Variants in PLEKHG1 observed in about 807,000 individuals in gnomAD.
The protein encoded by PLEKHG1 is pleckstrin homology domain-containing family G member 1.
A neutral mutation model predicts 100.8 loss-of-function variants in PLEKHG1; 44 were observed. The observed-to-expected ratio is 0.44, with a 90% CI of 0.34 to 0.56. PLEKHG1 has a LOEUF of 0.56. Ranked by LOEUF, PLEKHG1 falls within the 20% of genes least tolerant of loss-of-function variation. The pLI is 0.01. For missense variants in PLEKHG1, 1,545 were observed against 1,720.9 expected, an observed-to-expected ratio of 0.90 and a Z score of 1.81; for synonymous variants, 640 against 662.5, an observed-to-expected ratio of 0.97 and a Z score of 0.52.
At chr6:150,661,604 A>G (rs961178317) in intron 3 of PLEKHG1, among the ~76,000 whole-genome samples, 4 of 152,208 alleles carry the variant, frequency 2.6e-5, no homozygotes, top group African/African-American at 9.6e-5. Context: ...TTGTTCCTGT[A>G]AACACTGAAA....
At chr6:150,688,335 T>G (rs996462824) in intron 3 of PLEKHG1, among the ~76,000 whole-genome samples, 4 of 152,032 alleles carry the variant, frequency 2.6e-5, no homozygotes, top group African/African-American at 7.3e-5. Flanking sequence ...TTATTTTATT[T>G]TTTGAGAAGG....
At chr6:150,629,601 C>T (rs1002246509) in intron 1 of PLEKHG1, among the ~76,000 whole-genome samples, 16 of 152,226 alleles carry the variant, frequency 1.1e-4, no homozygotes, top group African/African-American at 3.6e-4. Flanking sequence ...GCTGGGACTA[C>T]AGGCACGCGG....
intron 3 of PLEKHG1, among the ~76,000 whole-genome samples, chr6:150,776,037 C>G (rs576216753): frequency 6.6e-6 from 1 of 152,246 alleles, no homozygotes; most frequent in East Asian, 1.9e-4. Flanking sequence ...TCGAATCTCT[C>G]TCAGTGTAAA....
At chr6:150,733,747 C>T (rs375638402) in exon 2 of PLEKHG1, 11 of 1,614,044 alleles carry the variant, frequency 6.8e-6, no homozygotes, top group African/African-American at 4.0e-5. Context: ...CCTCTTCCCG[C>T]GACAGCCATG....
At chr6:150,641,568 A>G (rs1197617769) in intron 2 of PLEKHG1, among the ~76,000 whole-genome samples, 2 of 152,234 alleles carry the variant, frequency 1.3e-5, no homozygotes, top group African/African-American at 4.8e-5. Flanking sequence ...CAATATGAAC[A>G]GTTCCCCTTT....
At chr6:150,613,436 T>TTA (rs1776934556) in intron 1 of PLEKHG1, among the ~76,000 whole-genome samples, 1 of 152,234 alleles carries the variant, frequency 6.6e-6, no homozygotes, top group Non-Finnish European at 1.5e-5. Flanking sequence ...GAGTGCCCAG[T>TTA]GCAGAGAAAT....
chr6:150,708,650 CTT>C lies in PLEKHG1; in HGVS notation c.-98-24933_-98-24932del, dbSNP rs1781120106. On this transcript the variant is annotated intron_variant, in intron 3 of 3. Coordinates refer to the PLEKHG1 transcript ENST00000367326. Reference sequence around the variant, plus strand: ...TCTAATAATCATAATTGTATATAAACTTAAGGTATAAGAGTTCCTTGAATAAT... The same window carrying C: ...TCTAATAATCATAATTGTATATAAACAAGGTATAAGAGTTCCTTGAATAAT... Among the ~76,000 whole-genome samples, 3 of 152,156 alleles carry C rather than the reference CTT, an allele frequency of 2.0e-5. No homozygotes were observed. The South Asian group carries it at 6.2e-4, about 31-fold the overall frequency.
At position 150,603,914 on chromosome 6, in the gene PLEKHG1, C is replaced by T. The variant is rs1284381168; in HGVS notation, c.-204+3897C>T. Among the ~76,000 whole-genome samples, 9 of 151,288 alleles carry T rather than the reference C, an allele frequency of 5.9e-5. No individual in the cohort carries two copies. The South Asian group carries it at 1.0e-3, about 18-fold the overall frequency. On this transcript the variant is annotated intron_variant, in intron 1 of 3. Coordinates refer to the PLEKHG1 transcript ENST00000367326. ...TGGTAGGCTAAGTTTTTTAAAAATT[C>T]CATCTACACCCACTTGTAATAACCT...
At chr6:150,730,378 G>A (rs964270103) in intron 1 of PLEKHG1, among the ~76,000 whole-genome samples, 2 of 151,968 alleles carry the variant, frequency 1.3e-5, no homozygotes, top group South Asian at 2.1e-4. Flanking sequence ...AGGATGAAAC[G>A]GTTCCACCTC....
chr6:150,678,098 A>G (rs1005996700), intron 3 of PLEKHG1, among the ~76,000 whole-genome samples: 10 of 139,504 alleles, frequency 7.2e-5, no homozygotes, highest in African/African-American at 2.4e-4. Context: ...ATATATATAT[A>G]TATATGTTGT....
intron 2 of PLEKHG1, among the ~76,000 whole-genome samples, chr6:150,763,024 C>CTT (rs60462437): frequency 0.038 from 2,874 of 76,442 alleles, 224 homozygotes; most frequent in African/African-American, 0.082. Context: ...GATAAAGCTT[C>CTT]TTTTTTTTTT....
At chr6:150,801,871 G>T (rs1786737070) in intron 6 of PLEKHG1, among the ~76,000 whole-genome samples, 1 of 152,210 alleles carries the variant, frequency 6.6e-6, no homozygotes, top group Non-Finnish European at 1.5e-5. Context: ...CAGCAGAGTG[G>T]TTAGAAACAG....
At chr6:150,776,059 T>A (rs544766580) in intron 3 of PLEKHG1, among the ~76,000 whole-genome samples, 1 of 152,118 alleles carries the variant, frequency 6.6e-6, no homozygotes, top group Admixed American at 6.5e-5. Context: ...CAATAGAAGG[T>A]TCAAGGTCAT....
intron 2 of PLEKHG1, among the ~76,000 whole-genome samples, chr6:150,757,305 G>A (rs1046672886): frequency 3.9e-5 from 6 of 152,136 alleles, no homozygotes; most frequent in Non-Finnish European, 8.8e-5. Context: ...CCCACCTGCT[G>A]TAAATGTTTT....
chr6:150,807,935 C>T (rs760146445), intron 7 of PLEKHG1, among the ~76,000 whole-genome samples: 8 of 152,088 alleles, frequency 5.3e-5, no homozygotes, highest in Non-Finnish European at 8.8e-5. Flanking sequence ...TGCCACTGCA[C>T]TCCAGCCTGG....
intron 3 of PLEKHG1, among the ~76,000 whole-genome samples, chr6:150,681,874 G>A (rs186118602): frequency 7.9e-5 from 12 of 152,270 alleles, no homozygotes; most frequent in Non-Finnish European, 1.6e-4. Flanking sequence ...ATTTGCAGCC[G>A]CTGATGAAGT....
exon 16 of PLEKHG1, chr6:150,840,946 C>A: frequency 7.3e-7 from 1 of 1,367,180 alleles, no homozygotes; most frequent in Non-Finnish European, 1.0e-6. Flanking sequence ...GCTCATAAAA[C>A]GTTACAGATA....
chr6:150,715,774 A>G (rs143112762), intron 3 of PLEKHG1, among the ~76,000 whole-genome samples: 2,094 of 147,238 alleles, frequency 0.014, 24 homozygotes, highest in Non-Finnish European at 0.022. Flanking sequence ...GTGAGCCACC[A>G]TGCCTGGCCC....
At chr6:150,640,610 A>C (rs1189601456) in intron 2 of PLEKHG1, among the ~76,000 whole-genome samples, 1 of 152,098 alleles carries the variant, frequency 6.6e-6, no homozygotes, top group Non-Finnish European at 1.5e-5. Context: ...TGGAATACCC[A>C]CACCACGCTA....
Sources: allele counts gnomAD v4.1 joint callset (sites outside exome capture counted in the v4.1 genomes callset), GRCh38; gene constraint gnomAD v4.1.1; transcripts MANE v1.5; gene names NCBI Gene and HGNC (gene_info 2026-07-23, HGNC 2026-07-21).